Variants in ANKH observed in about 807,000 individuals in gnomAD.
The protein encoded by ANKH is ANKH inorganic pyrophosphate transport regulator.
In ANKH, 15 loss-of-function variants were observed where a neutral mutation model predicts 49.0. The ratio of observed to expected loss-of-function variants is 0.31; its 90% CI spans 0.20 to 0.47. The LOEUF (loss-of-function observed/expected upper bound fraction) is 0.47. ANKH is among the 20% of genes least tolerant of loss of function. The probability of loss-of-function intolerance (pLI) is 1.00; values close to 1 mark genes in which losing one functional copy is unlikely to be tolerated. For missense variants in ANKH, 429 were observed against 652.0 expected (o/e 0.66, Z 3.72); for synonymous variants, 273 against 260.0 (o/e 1.05, Z -0.48).
At chr5:14,739,842 A>C (rs1019872150) in intron 8 of ANKH, among the ~76,000 whole-genome samples, 1 of 152,208 alleles carries the variant, frequency 6.6e-6, no homozygotes, top group South Asian at 2.1e-4. Flanking sequence ...AAGGGTTCTG[A>C]ATCTCTATTT....
chr5:14,819,900 TACACACACACAC>T (rs57977744), intron 1 of ANKH, among the ~76,000 whole-genome samples: 16,135 of 145,456 alleles, frequency 0.11, 1,129 homozygotes, highest in East Asian at 0.39. Context: ...AACAAAAATA[TACACACACACAC>T]ACACACACAC....
At chr5:14,778,680 T>C (rs1428142993) in intron 1 of ANKH, among the ~76,000 whole-genome samples, 1 of 152,206 alleles carries the variant, frequency 6.6e-6, no homozygotes, top group Non-Finnish European at 1.5e-5. Context: ...TCCTCCTGTC[T>C]TCCCTTCCTT....
chr5:14,863,487 T>C (rs528621869), intron 1 of ANKH, among the ~76,000 whole-genome samples: 1 of 152,332 alleles, frequency 6.6e-6, no homozygotes, highest in Admixed American at 6.5e-5. Context: ...ACCCTAGTTC[T>C]CATACTAAAA....
intron 1 of ANKH, among the ~76,000 whole-genome samples, chr5:14,790,906 A>T (rs1380228566): frequency 2.0e-5 from 3 of 152,194 alleles, no homozygotes; most frequent in Non-Finnish European, 4.4e-5. Context: ...CACTATGCCC[A>T]GCCAAGATCC....
At chr5:14,858,754 TAAATA>T (rs371110679) in intron 1 of ANKH, among the ~76,000 whole-genome samples, 37,838 of 95,060 alleles carry the variant, frequency 0.4, 5,362 homozygotes, top group Non-Finnish European at 0.41. Context: ...AATAAATAAA[TAAATA>T]AAATAAAATA....
chr5:14,724,022 A>G (rs1737748587), intron 8 of ANKH, among the ~76,000 whole-genome samples: 1 of 152,200 alleles, frequency 6.6e-6, no homozygotes, highest in Admixed American at 6.5e-5. Context: ...ATCAATGAGT[A>G]ATTTAACATT....
At chr5:14,748,447 T>C (rs153920) in intron 6 of ANKH, among the ~76,000 whole-genome samples, 55,097 of 152,146 alleles carry the variant, frequency 0.36, 12,137 homozygotes, top group African/African-American at 0.63. Flanking sequence ...GAGCCTTCCT[T>C]GGGACCAGCA....
intron 8 of ANKH, among the ~76,000 whole-genome samples, chr5:14,732,806 A>AC (rs1164465673): frequency 6.6e-6 from 1 of 152,088 alleles, no homozygotes; most frequent in Non-Finnish European, 1.5e-5. Flanking sequence ...CTGGATTTGA[A>AC]CCCAAGCCCT....
At chr5:14,869,616 T>G (rs1267086059) in intron 1 of ANKH, 1 of 152,256 alleles carries the variant, frequency 6.6e-6, no homozygotes, top group Non-Finnish European at 1.5e-5. Context: ...TCTGGATAGT[T>G]GTCTCTTATG....
chr5:14,726,241 G>A (rs1284729777), intron 8 of ANKH, among the ~76,000 whole-genome samples: 1 of 152,192 alleles, frequency 6.6e-6, no homozygotes, highest in Non-Finnish European at 1.5e-5. Context: ...AGAGAGAGCT[G>A]ACGCAGCCAT....
At chr5:14,750,947 G>T in intron 5 of ANKH, 122 bp downstream of exon 5, 1 of 1,244,212 alleles carries the variant, frequency 8.0e-7, no homozygotes, top group Non-Finnish European at 1.2e-6. Context: ...TGGCCTCTGG[G>T]TATGACATCC....
At chr5:14,798,532 C>G in intron 1 of ANKH, 1 of 687,112 alleles carries the variant, frequency 1.5e-6, no homozygotes, top group South Asian at 2.1e-5. Context: ...TGTGGCAACC[C>G]TGTGTCAAGC....
At chr5:14,826,928 C>T (rs557464494) in intron 1 of ANKH, among the ~76,000 whole-genome samples, 1 of 152,278 alleles carries the variant, frequency 6.6e-6, no homozygotes, top group East Asian at 1.9e-4. Context: ...CATTTCTGGC[C>T]AATGGAATGT....
At position 14,820,175 on chromosome 5, in the gene ANKH, A is replaced by G. The variant is rs1741159705; in HGVS notation, c.97-50984T>C. ...TCCACATAACAGTAATAAACAATGA[A>G]TTTTCTAAGTAAATATAAACTTCAG... On this transcript the variant is annotated intron_variant, in intron 1 of 11. Coordinates refer to ENST00000284268, the MANE Select transcript of ANKH (RefSeq NM_054027.6). Among the ~76,000 whole-genome samples the G allele has an allele frequency of 2.0e-5, 3 of 152,296 alleles. No individual in the cohort carries two copies. The South Asian group carries it at 6.2e-4, about 32-fold the overall frequency.
At position 14,871,616 on chromosome 5, in the gene ANKH, T is replaced by C. The variant is rs1735833690; in HGVS notation, c.-169A>G. 5.7e-6 allele frequency: 1 copy of C among 174,372 alleles called. No homozygotes were observed. The highest frequency in any genetic ancestry group is 6.5e-5 in the Admixed American group (1 of 15,394). The allele number at this position is 174,372 out of a possible 1,614,324, so 10.8% of individuals were successfully genotyped here. ...GGCTCCTCCTCGCGGCTGCGGCGCCTTCTCCGAGCGCGGCTGCTCTAGCAG... is the reference window on the plus strand; with the variant it reads ...GGCTCCTCCTCGCGGCTGCGGCGCCCTCTCCGAGCGCGGCTGCTCTAGCAG... On this transcript the variant is annotated 5_prime_UTR_variant, in exon 1 of 12. Coordinates refer to ENST00000284268, the MANE Select transcript of ANKH (RefSeq NM_054027.6).
chr5:14,834,098 T>C (rs1741586339), intron 1 of ANKH, among the ~76,000 whole-genome samples: 1 of 152,162 alleles, frequency 6.6e-6, no homozygotes, highest in Non-Finnish European at 1.5e-5. Flanking sequence ...AGTTATTTTA[T>C]ATAAAATTGA....
At chr5:14,822,906 C>T (rs189216677) in intron 1 of ANKH, among the ~76,000 whole-genome samples, 1,938 of 152,174 alleles carry the variant, frequency 0.013, 13 homozygotes, top group Non-Finnish European at 0.02. Context: ...CAGTGGTGCA[C>T]GCCTGTAGTC....
intron 1 of ANKH, among the ~76,000 whole-genome samples, chr5:14,793,019 T>TATAA (rs1561057762): frequency 8.8e-5 from 7 of 79,126 alleles, no homozygotes; most frequent in African/African-American, 2.7e-4. Flanking sequence ...TATATATATA[T>TATAA]AAATATATAT....
chr5:14,857,152 T>A (rs1194116540), intron 1 of ANKH, among the ~76,000 whole-genome samples: 1 of 151,896 alleles, frequency 6.6e-6, no homozygotes, highest in Non-Finnish European at 1.5e-5. Context: ...ACCAGGCATT[T>A]TGCCTGGTAC....
Sources: gnomAD v4.1 joint callset for allele counts (sites outside exome capture counted in the v4.1 genomes callset) on GRCh38, gnomAD v4.1.1 for gene constraint, MANE v1.5 for transcripts, NCBI Gene and HGNC (gene_info 2026-07-23, HGNC 2026-07-21) for gene names.